The following H2AZ2 variants were observed in gnomAD, a reference collection of about 807,000 sequenced individuals.
H2AZ2 encodes the protein H2A.Z variant histone 2, also known as histone H2A.V.
A neutral mutation model predicts 15.5 loss-of-function variants in H2AZ2; 5 were observed. That is an observed-to-expected ratio of 0.32 (90% CI 0.17 to 0.68). The LOEUF is 0.68. Ranked by LOEUF, H2AZ2 falls within the 30% of genes least tolerant of loss-of-function variation. H2AZ2 has a pLI of 0.72. For synonymous variants in H2AZ2, 44 were observed against 57.4 expected, an observed-to-expected ratio of 0.77 and a Z score of 1.05; for missense variants, 42 against 162.5, an observed-to-expected ratio of 0.26 and a Z score of 4.03.
Position 44,832,498 on chromosome 7 carries a change from T to C in H2AZ2, c.*2003A>G, listed in dbSNP as rs975859592. Among the ~76,000 whole-genome samples the C allele has an allele frequency of 6.6e-6, 1 of 152,210 alleles. No individual in the cohort carries two copies. The highest frequency in any genetic ancestry group is 1.5e-5 in the Non-Finnish European group (1 of 68,038). Reference sequence around the variant, plus strand: ...GAGCTTCATTCTGCTATTCTTTTTGTGCATTTGTGAAAATTTCCATAATAA... The same window carrying C: ...GAGCTTCATTCTGCTATTCTTTTTGCGCATTTGTGAAAATTTCCATAATAA... On this transcript the variant is annotated 3_prime_UTR_variant, in exon 5 of 5. Coordinates refer to ENST00000308153, the MANE Select transcript of H2AZ2 (RefSeq NM_012412.5).
rs118038088 is a variant in H2AZ2, at chr7:44,837,785, G to A, written c.196-2127C>T. 2.1e-3 allele frequency among the ~76,000 whole-genome samples: 294 copies of A among 138,910 alleles called. 2 individuals carry two copies. In the East Asian group the frequency reaches 0.047, roughly 22 times the overall value. 91.1% of individuals were successfully genotyped at this position (138,910 alleles called of 152,430 possible). A position where few individuals can be genotyped will look rare whatever the true frequency, so the allele number is the denominator to read the frequency against. On this transcript the variant is annotated intron_variant, in intron 3 of 4. Transcript: ENST00000308153. The stretch of plus-strand genomic sequence containing the variant: ...TGAGATTACAGGCATGAGCCACTGT[G>A]TAAACTTTAAAAATTTTAACCAAAG...
In H2AZ2 at chr7:44,839,520, C is replaced by CA. The variant is rs551988538; in HGVS notation, c.195+1378dup. 1.6e-3 allele frequency among the ~76,000 whole-genome samples: 226 copies of CA among 140,966 alleles called. 1 individual carries two copies. Among genetic ancestry groups the CA allele is most frequent in the South Asian group, 6.5e-3 (29 of 4,486 alleles). 92.5% of individuals were successfully genotyped at this position (140,966 alleles called of 152,430 possible). On this transcript the variant is annotated intron_variant, in intron 3 of 4. Transcript: ENST00000308153. ...TGAAACCCCGTCTCTACTAAAAATACAAAAAAAAAAAATTAGCCGGGCGTG... is the reference window on the plus strand; with the variant it reads ...TGAAACCCCGTCTCTACTAAAAATACAAAAAAAAAAAAATTAGCCGGGCGTG...
At position 44,834,394 on chromosome 7, in the gene H2AZ2, T is replaced by C. The variant is rs560376039; in HGVS notation, c.*107A>G. On this transcript the variant is annotated 3_prime_UTR_variant, in exon 5 of 5. Transcript: ENST00000308153. ...TTATCATGTCTACAGTAATTGTCTA[T>C]GCTTTTCCATTTAACTGTTGTTAAA... 5.9e-4 allele frequency: 868 copies of C among 1,466,662 alleles called. 1 individual carries two copies. The highest frequency in any genetic ancestry group is 7.1e-4 in the Non-Finnish European group (779 of 1,097,544). The allele number at this position is 1,466,662 out of a possible 1,614,324, so 90.9% of individuals were successfully genotyped here.
intron 1 of H2AZ2, among the ~76,000 whole-genome samples, chr7:44,847,440 AC>A (rs1793438517): frequency 6.6e-6 from 1 of 152,146 alleles, no homozygotes; most frequent in African/African-American, 2.4e-5. Flanking sequence ...CTGTGCAATC[AC>A]CTAGAACAAA....
downstream of H2AZ2, chr7:44,829,257 G>A (rs1400870270): frequency 3.9e-5 from 6 of 152,300 alleles, no homozygotes; most frequent in Admixed American, 1.3e-4. Context: ...ATAGCAGCTG[G>A]ACTGGGTCTC....
intron 2 of H2AZ2, among the ~76,000 whole-genome samples, chr7:44,842,665 C>A (rs531433987): frequency 5.9e-5 from 9 of 152,244 alleles, no homozygotes; most frequent in Non-Finnish European, 8.8e-5. Context: ...ATTAAGTATG[C>A]CTTAAAATAA....
Position 44,833,577 on chromosome 7 carries a change from C to T in H2AZ2, c.*924G>A. On this transcript the variant is annotated 3_prime_UTR_variant, in exon 5 of 5. Transcript: ENST00000308153. ...TGTTGGCCAGGCTGGTCTCAAACTC[C>T]TGACCTCAAGTGTTCCACCAGCCTC... is the stretch of plus-strand genomic sequence containing the variant. 1.7e-6 allele frequency: 1 copy of T among 573,096 alleles called. No homozygotes were observed. The highest frequency in any genetic ancestry group is 7.6e-5 in the South Asian group (1 of 13,082). 35.5% of individuals were successfully genotyped at this position (573,096 alleles called of 1,614,324 possible).
chr7:44,845,199 T>C (rs1239382397), intron 1 of H2AZ2, among the ~76,000 whole-genome samples: 1 of 151,994 alleles, frequency 6.6e-6, no homozygotes, highest in Non-Finnish European at 1.5e-5. Flanking sequence ...CAAGATAATA[T>C]GGAAGAAAAA....
intron 3 of H2AZ2, among the ~76,000 whole-genome samples, chr7:44,840,685 C>T (rs1173182700): frequency 1.3e-5 from 2 of 152,116 alleles, no homozygotes; most frequent in Admixed American, 6.6e-5. Context: ...GTGGGAGAAT[C>T]GCTTGAATCC....
At chr7:44,826,938 A>G (rs368110178) in exon 5 of H2AZ2, 19 of 152,358 alleles carry the variant, frequency 1.2e-4, no homozygotes, top group African/African-American at 4.6e-4. Flanking sequence ...CTGCATTTCC[A>G]TTAATATTAG....
intron 3 of H2AZ2, among the ~76,000 whole-genome samples, chr7:44,837,091 C>A (rs895977699): frequency 6.6e-6 from 1 of 151,818 alleles, no homozygotes; most frequent in Non-Finnish European, 1.5e-5. Flanking sequence ...AAATTCCTGA[C>A]CTTGACTCCG....
chr7:44,840,868 G>T, intron 3 of H2AZ2, 31 bp downstream of exon 3: 1 of 1,428,878 alleles, frequency 7.0e-7, no homozygotes, highest in Non-Finnish European at 9.8e-7. Context: ...CCTTCTGGAT[G>T]GCCATATACA....
At chr7:44,828,354 T>C (rs1792954110), downstream of H2AZ2, 1 of 152,178 alleles carries the variant, frequency 6.6e-6, no homozygotes, top group Non-Finnish European at 1.5e-5. Context: ...ACTGAACCTC[T>C]GGTAATAACG....
intron 4 of H2AZ2, chr7:44,834,784 CTTTT>C (rs35455193): frequency 1.6e-3 from 251 of 159,296 alleles, no homozygotes; most frequent in East Asian, 4.0e-3. Flanking sequence ...GTAACCATAG[CTTTT>C]TTTTTTTTTT....
downstream of H2AZ2, among the ~76,000 whole-genome samples, chr7:44,830,699 A>G (rs1792987224): frequency 6.6e-6 from 1 of 152,244 alleles, no homozygotes; most frequent in Non-Finnish European, 1.5e-5. Flanking sequence ...GTTTTTAATT[A>G]TAAGAAATAC....
At chr7:44,841,596 G>A (rs567599505) in intron 2 of H2AZ2, among the ~76,000 whole-genome samples, 6 of 152,200 alleles carry the variant, frequency 3.9e-5, no homozygotes, top group South Asian at 2.1e-4. Context: ...TGCAACCTCC[G>A]CCTCCCGGGT....
At position 44,835,673 on chromosome 7, in the gene H2AZ2, T is replaced by A. The variant is rs908722666; in HGVS notation, c.196-15A>T. ...AGCTCCAGCACCTACAAAGCATCCA[T>A]GATTAGCATATCAAATGAAGGACCT... is the stretch of plus-strand genomic sequence containing the variant. On this transcript the variant is annotated splice_polypyrimidine_tract_variant and intron_variant, in intron 3 of 4. Coordinates refer to ENST00000308153, the MANE Select transcript of H2AZ2 (RefSeq NM_012412.5). 9 of 1,564,734 alleles carry A rather than the reference T, an allele frequency of 5.8e-6. No homozygotes were observed. Among genetic ancestry groups the A allele is most frequent in the African/African-American group, 1.4e-5 (1 of 73,724 alleles).
chr7:44,840,834 G>T, intron 3 of H2AZ2, 65 bp downstream of exon 3: 1 of 1,064,854 alleles, frequency 9.4e-7, no homozygotes. Flanking sequence ...TATTCCATGG[G>T]TTTCTGTCAC....
In H2AZ2 at chr7:44,833,540, G is replaced by T. The variant is rs1011984245; in HGVS notation, c.*961C>A. ...GTGAGCCACCGCGCCTGGCCGAGAC[G>T]GCGTTTTACCATGTTGGCCAGGCTG... On this transcript the variant is annotated 3_prime_UTR_variant, in exon 5 of 5. Transcript: ENST00000308153. 2.2e-5 allele frequency: 6 copies of T among 270,396 alleles called. No homozygotes were observed. Among genetic ancestry groups the T allele is most frequent in the Non-Finnish European group, 3.4e-5 (6 of 176,528 alleles). The allele number at this position is 270,396 out of a possible 1,614,324, so 16.7% of individuals were successfully genotyped here.
Sources: allele counts gnomAD v4.1 joint callset (sites outside exome capture counted in the v4.1 genomes callset), GRCh38; gene constraint gnomAD v4.1.1; transcripts MANE v1.5; gene names NCBI Gene and HGNC (gene_info 2026-07-23, HGNC 2026-07-21).